Variants in PPP2R5C observed in about 807,000 individuals in gnomAD.
PPP2R5C encodes protein phosphatase 2 regulatory subunit B'gamma, also known as serine/threonine-protein phosphatase 2A 56 kDa regulatory subunit gamma isoform.
PPP2R5C carries 7 observed loss-of-function variants against 68.9 expected under a neutral mutation model. The observed-to-expected ratio is 0.10, with a 90% confidence interval of 0.06 to 0.19. PPP2R5C has a LOEUF of 0.19. Among genes scored for constraint, PPP2R5C ranks in the 10% least tolerant of loss-of-function variants. The pLI is 1.00. For missense variants in PPP2R5C, 348 were observed against 641.3 expected, an observed-to-expected ratio of 0.54 and a Z score of 4.94; for synonymous variants, 210 against 222.2, an observed-to-expected ratio of 0.95 and a Z score of 0.49.
At chr14:101,885,751 G>A (rs899342066) in intron 5 of PPP2R5C, among the ~76,000 whole-genome samples, 3 of 152,264 alleles carry the variant, frequency 2.0e-5, no homozygotes, top group East Asian at 1.9e-4. Flanking sequence ...TAAATGTTAT[G>A]TTTCTATTTT....
intron 2 of PPP2R5C, among the ~76,000 whole-genome samples, chr14:101,774,344 GT>G (rs1203085601): frequency 6.6e-6 from 1 of 152,172 alleles, no homozygotes; most frequent in African/African-American, 2.4e-5. Flanking sequence ...AGACAGACTG[GT>G]TTCTTTGGAG....
At chr14:101,861,311 T>A (rs937023654) in intron 2 of PPP2R5C, among the ~76,000 whole-genome samples, 13 of 152,218 alleles carry the variant, frequency 8.5e-5, no homozygotes, top group African/African-American at 3.1e-4. Context: ...CTCTTCTAAA[T>A]CGGGATTCTC....
rs932645296 is a variant in PPP2R5C, at chr14:101,797,085, G to T, written c.259+10902G>T. 2.2e-6 allele frequency: 1 copy of T among 449,724 alleles called. No homozygotes were observed. The highest frequency in any genetic ancestry group is 4.5e-6 in the Non-Finnish European group (1 of 222,408). 27.9% of individuals were successfully genotyped at this position (449,724 alleles called of 1,614,324 possible). ...ACAAAAACTCCATTAAACAGTAAGTGGCTGTCTCCCCATTCTGCTTTCTGT... is the reference window on the plus strand; with the variant it reads ...ACAAAAACTCCATTAAACAGTAAGTTGCTGTCTCCCCATTCTGCTTTCTGT... On this transcript the variant is annotated intron_variant, in intron 3 of 14. Coordinates refer to the PPP2R5C transcript ENST00000328724. The surrounding 1 kb of genome is among the most constrained non-coding windows in gnomAD (Gnocchi z 4.2).
At position 101,797,027 on chromosome 14, in the gene PPP2R5C, A is replaced by G. The variant is rs1396529302; in HGVS notation, c.259+10844A>G. 7.4e-6 allele frequency: 3 copies of G among 408,132 alleles called. No individual in the cohort carries two copies. Among genetic ancestry groups the G allele is most frequent in the East Asian group, 1.4e-4 (2 of 14,020 alleles). The allele number at this position is 408,132 out of a possible 1,614,324, so 25.3% of individuals were successfully genotyped here. On this transcript the variant is annotated intron_variant, in intron 3 of 14. Coordinates refer to the PPP2R5C transcript ENST00000328724. This position sits in a 1 kb window ranked among gnomAD's most constrained non-coding sequence, Gnocchi z 4.2. ...TTCAAAATGCTGTACACCCATCACTACTATCTCTACCCAAAACTTTTCATC... is the reference window on the plus strand; with the variant it reads ...TTCAAAATGCTGTACACCCATCACTGCTATCTCTACCCAAAACTTTTCATC...
chr14:101,817,767 G>A (rs181461945), intron 1 of PPP2R5C, among the ~76,000 whole-genome samples: 25 of 140,172 alleles, frequency 1.8e-4, no homozygotes, highest in Admixed American at 1.7e-3. Context: ...GAAATGGAAC[G>A]TGAAATGGGA....
intron 8 of PPP2R5C, 143 bp downstream of exon 10, chr14:101,894,703 A>G (rs1023279990): frequency 1.1e-5 from 8 of 738,862 alleles, no homozygotes; most frequent in African/African-American, 1.1e-4. Flanking sequence ...CATTTCATTC[A>G]TGGGTTATAG....
intron 2 of PPP2R5C, among the ~76,000 whole-genome samples, chr14:101,772,638 T>A (rs895386518): frequency 1.8e-4 from 27 of 151,856 alleles, no homozygotes; most frequent in Non-Finnish European, 2.9e-4. Flanking sequence ...CTATTAAAAA[T>A]TTTTTTTAAA....
At chr14:101,863,938 G>T (rs2042910453) in intron 2 of PPP2R5C, among the ~76,000 whole-genome samples, 1 of 152,124 alleles carries the variant, frequency 6.6e-6, no homozygotes, top group Non-Finnish European at 1.5e-5. Flanking sequence ...TCCCACCCTA[G>T]ACCTGTGGAC....
intron 2 of PPP2R5C, among the ~76,000 whole-genome samples, 159 bp from the exon 3 acceptor site, chr14:101,785,859 T>A (rs1048132261): frequency 1.3e-5 from 2 of 152,230 alleles, no homozygotes; most frequent in Admixed American, 1.3e-4. Context: ...AGGTGGGACA[T>A]AAGCCCCATA....
At position 101,833,011 on chromosome 14, in the gene PPP2R5C, C is replaced by G. The variant is rs537498817; in HGVS notation, c.94+22975C>G. 7.9e-5 allele frequency among the ~76,000 whole-genome samples: 12 copies of G among 152,324 alleles called. No homozygotes were observed. In the South Asian group the frequency reaches 2.5e-3, roughly 32 times the overall value. ...GGGAGGTTGCAGTGTGAACACTAGG[C>G]ACAGCATCTGAAACGTGCTGGAATC... is the stretch of plus-strand genomic sequence containing the variant. On this transcript the variant is annotated intron_variant, in intron 1 of 13. Coordinates refer to ENST00000334743, the Ensembl canonical transcript of PPP2R5C.
rs188548133 is a variant in PPP2R5C, at chr14:101,888,617, A to G, written c.630-1620A>G. On this transcript the variant is annotated intron_variant, in intron 5 of 13. Coordinates refer to ENST00000334743, the Ensembl canonical transcript of PPP2R5C. The surrounding 1 kb of genome is among the most constrained non-coding windows in gnomAD (Gnocchi z 5.6). ...GTTTTGTTTTGTTTTTTGTTTTGAA[A>G]CAGGGTCTCTGTTGCCCAGGCTGGA... Among the ~76,000 whole-genome samples, 44 of 152,058 alleles carry G rather than the reference A, an allele frequency of 2.9e-4. No homozygotes were observed. The East Asian group carries it at 5.6e-3, about 19-fold the overall frequency.
At chr14:101,890,460 A>G (rs928634603) in intron 6 of PPP2R5C, among the ~76,000 whole-genome samples, 164 bp downstream of exon 8, 2 of 152,218 alleles carry the variant, frequency 1.3e-5, no homozygotes, top group African/African-American at 4.8e-5. Context: ...GAGCTCTTAG[A>G]TTAGAGCACG....
Position 101,915,402 on chromosome 14 carries a change from A to C in PPP2R5C, c.1327-2429A>C, listed in dbSNP as rs919645278. ...GCCTTCAGTGAAGGTTTTTATTCCT[A>C]GTCAGAACCCTCTCCTGCCAGTGCC... On this transcript the variant is annotated intron_variant, in intron 12 of 13. Transcript: ENST00000334743. The surrounding 1 kb of genome is among the most constrained non-coding windows in gnomAD (Gnocchi z 4.2). 1.3e-5 allele frequency among the ~76,000 whole-genome samples: 2 copies of C among 152,040 alleles called. No homozygotes were observed. Among genetic ancestry groups the C allele is most frequent in the Non-Finnish European group, 2.9e-5 (2 of 67,994 alleles).
chr14:101,875,970 G>A (rs1054751762), intron 2 of PPP2R5C, among the ~76,000 whole-genome samples: 2 of 152,104 alleles, frequency 1.3e-5, no homozygotes, highest in African/African-American at 2.4e-5. Flanking sequence ...CTGGGTAGCT[G>A]GAGTCTTCGT....
chr14:101,850,216 C>T (rs1482290795), intron 1 of PPP2R5C, among the ~76,000 whole-genome samples: 1 of 152,038 alleles, frequency 6.6e-6, no homozygotes, highest in African/African-American at 2.4e-5. Flanking sequence ...CTGGTCAGCG[C>T]AGTAGATAAG....
chr14:101,810,169 A>T (rs1357155717), intron 1 of PPP2R5C: 1 of 825,680 alleles, frequency 1.2e-6, no homozygotes, highest in East Asian at 2.8e-5. Flanking sequence ...ACTTAACCAG[A>T]GGAGGTTGGG....
rs1206391597 is a variant in PPP2R5C, at chr14:101,781,014, T to G, written c.94-5004T>G. Reference sequence around the variant, plus strand: ...CTCTGTAAGCTAAGGATGCGCCAGCTCGGCCTGAACCATGGAATGCAGCGT... The same window carrying G: ...CTCTGTAAGCTAAGGATGCGCCAGCGCGGCCTGAACCATGGAATGCAGCGT... On this transcript the variant is annotated intron_variant, in intron 2 of 14. Coordinates refer to the PPP2R5C transcript ENST00000328724. This position sits in a 1 kb window ranked among gnomAD's most constrained non-coding sequence, Gnocchi z 6.4. Among the ~76,000 whole-genome samples the G allele has an allele frequency of 1.3e-5, 2 of 152,172 alleles. No homozygotes were observed. Among genetic ancestry groups the G allele is most frequent in the Non-Finnish European group, 2.9e-5 (2 of 68,024 alleles).
chr14:101,829,299 C>G (rs2040590668), intron 1 of PPP2R5C, among the ~76,000 whole-genome samples: 1 of 152,196 alleles, frequency 6.6e-6, no homozygotes, highest in South Asian at 2.1e-4. Flanking sequence ...AGAATCCTTA[C>G]TATGAGTTCT....
At chr14:101,803,516 C>A (rs569221927) in intron 3 of PPP2R5C, among the ~76,000 whole-genome samples, 40 of 151,962 alleles carry the variant, frequency 2.6e-4, no homozygotes, top group Non-Finnish European at 4.4e-4. Flanking sequence ...CGAGGTCAGG[C>A]GATTGAGACC....
Sources: allele counts gnomAD v4.1 joint callset (sites outside exome capture counted in the v4.1 genomes callset), GRCh38; gene constraint gnomAD v4.1.1; non-coding constraint Gnocchi (gnomAD v3.1); transcripts MANE v1.5; gene names NCBI Gene and HGNC (gene_info 2026-07-23, HGNC 2026-07-21).